The following SH3BP4 variants were observed in gnomAD, a reference collection of about 807,000 sequenced individuals.
SH3BP4 encodes the protein SH3 domain binding protein 4.
A neutral mutation model predicts 65.5 loss-of-function variants in SH3BP4; 33 were observed. The observed-to-expected ratio is 0.50, with a 90% CI of 0.38 to 0.67. The LOEUF (loss-of-function observed/expected upper bound fraction) is 0.67, where lower values mean the gene tolerates loss of function less well. Among genes scored for constraint, SH3BP4 ranks in the 30% least tolerant of loss-of-function variants. The pLI, the probability that SH3BP4 is intolerant of heterozygous loss-of-function variation, is 0.00. For synonymous variants in SH3BP4, 552 were observed against 545.5 expected (o/e 1.01, Z -0.17); for missense variants, 1,134 against 1,261.4 (o/e 0.90, Z 1.53).
intron 1 of SH3BP4, among the ~76,000 whole-genome samples, chr2:234,971,136 A>G (rs1321352317): frequency 2.0e-5 from 3 of 152,238 alleles, no homozygotes; most frequent in East Asian, 1.9e-4. Flanking sequence ...TTCATCTTGC[A>G]GAATGAAAAT....
intron 2 of SH3BP4, among the ~76,000 whole-genome samples, chr2:235,009,445 G>C (rs1694404540): frequency 6.6e-6 from 1 of 152,178 alleles, no homozygotes; most frequent in South Asian, 2.1e-4. Flanking sequence ...GGTGTGCCTG[G>C]GACCCTGGAG....
Position 235,043,192 on chromosome 2 carries a change from A to G in SH3BP4, c.2423A>G (p.Asp808Gly). ...VASVLEKLKE[D>G]CNNTENKERK... ...TCCGTCCTAGAAAAGCTGAAGGAGG[A>G]CTGTAACAACACTGAGAACAAAGAA... Residue 808 changes from aspartate (D) to glycine (G), a missense_variant, in exon 4 of 6, where the codon GAC becomes GGC. Asp to Gly is a moderately conservative substitution (Grantham distance 94). Transcript: ENST00000392011. 1 of 1,606,632 alleles carries G rather than the reference A, an allele frequency of 6.2e-7. No homozygotes were observed. Among genetic ancestry groups the G allele is most frequent in the South Asian group, 1.1e-5 (1 of 90,634 alleles).
Position 235,034,167 on chromosome 2 carries a change from A to C in SH3BP4, c.-132-704A>C, listed in dbSNP as rs1695293634. On this transcript the variant is annotated intron_variant, in intron 2 of 5. Transcript: ENST00000392011. This position sits in a 1 kb window ranked among gnomAD's most constrained non-coding sequence, Gnocchi z 6.2. ...GTCCTGTCTGTGCGCCCTTCCAGAA[A>C]AAAAAAGCAGAGGCCTTAGGGGTGA... Among the ~76,000 whole-genome samples the C allele has an allele frequency of 6.6e-6, 1 of 152,142 alleles. No individual in the cohort carries two copies. Among genetic ancestry groups the C allele is most frequent in the Non-Finnish European group, 1.5e-5 (1 of 68,018 alleles).
At chr2:235,021,761 A>G (rs1694853185) in intron 2 of SH3BP4, among the ~76,000 whole-genome samples, 1 of 152,212 alleles carries the variant, frequency 6.6e-6, no homozygotes, top group Admixed American at 6.5e-5. Context: ...ATCATGGTTA[A>G]ATAAAGGTTG....
Position 234,952,852 on chromosome 2 carries a change from T to A in SH3BP4, c.-207+682T>A, listed in dbSNP as rs1692505320. 3 of 151,988 alleles carry A rather than the reference T, an allele frequency of 2.0e-5. No homozygotes were observed. Among genetic ancestry groups the A allele is most frequent in the Admixed American group, 2.0e-4 (3 of 15,270 alleles). The allele number at this position is 151,988 out of a possible 1,614,324, so 9.4% of individuals were successfully genotyped here. On this transcript the variant is annotated intron_variant, in intron 1 of 5. Coordinates refer to ENST00000392011, the MANE Select transcript of SH3BP4 (RefSeq NM_014521.3). This position sits in a 1 kb window ranked among gnomAD's most constrained non-coding sequence, Gnocchi z 6.5. Reference sequence around the variant, plus strand: ...TAGAGGCGCGTTGTTCTCTGAGCGATGTTTACCGAGAAGCCCGCTCCGCGG... The same window carrying A: ...TAGAGGCGCGTTGTTCTCTGAGCGAAGTTTACCGAGAAGCCCGCTCCGCGG...
chr2:234,970,902 G>GAA (rs1206442126), intron 1 of SH3BP4, among the ~76,000 whole-genome samples: 4 of 152,052 alleles, frequency 2.6e-5, no homozygotes, highest in Non-Finnish European at 5.9e-5. Flanking sequence ...CAGATTGAAA[G>GAA]AAGGTAGATG....
chr2:235,048,230 C>CTTT (rs767551465), intron 4 of SH3BP4, among the ~76,000 whole-genome samples: 1 of 152,208 alleles, frequency 6.6e-6, no homozygotes, highest in Non-Finnish European at 1.5e-5. Context: ...GTGCAGAAGG[C>CTTT]TTCCCCTCGA....
intron 2 of SH3BP4, among the ~76,000 whole-genome samples, chr2:235,016,908 A>G (rs989061704): frequency 1.3e-5 from 2 of 152,068 alleles, no homozygotes; most frequent in African/African-American, 4.8e-5. Context: ...TCTATGGGGG[A>G]TGGGGATGCC....
chr2:234,980,959 T>C (rs1366778258), intron 1 of SH3BP4, among the ~76,000 whole-genome samples: 1 of 152,160 alleles, frequency 6.6e-6, no homozygotes, highest in Non-Finnish European at 1.5e-5. Flanking sequence ...GCGCACAAGC[T>C]CTGCCCACTG....
chr2:234,999,895 C>A (rs1344655610), intron 2 of SH3BP4, among the ~76,000 whole-genome samples: 1 of 152,254 alleles, frequency 6.6e-6, no homozygotes, highest in Non-Finnish European at 1.5e-5. Context: ...ATACCTGGCC[C>A]AGGAGTGGCT....
intron 1 of SH3BP4, among the ~76,000 whole-genome samples, chr2:234,983,503 G>A (rs1410751622): frequency 6.6e-6 from 1 of 152,182 alleles, no homozygotes; most frequent in South Asian, 2.1e-4. Flanking sequence ...GTGTGCTTGT[G>A]TTTTTGATAC....
At chr2:235,043,964 G>T (rs555975251) in intron 4 of SH3BP4, among the ~76,000 whole-genome samples, 1 of 152,368 alleles carries the variant, frequency 6.6e-6, no homozygotes, top group Non-Finnish European at 1.5e-5. Flanking sequence ...GAGGGTCCCA[G>T]AATGGACCAG....
chr2:235,029,178 G>A (rs575893332), intron 2 of SH3BP4, among the ~76,000 whole-genome samples: 1 of 152,228 alleles, frequency 6.6e-6, no homozygotes, highest in African/African-American at 2.4e-5. Flanking sequence ...CAGAGGTTGT[G>A]TTCTGCAGGT....
intron 1 of SH3BP4, among the ~76,000 whole-genome samples, chr2:234,992,128 C>T (rs945675614): frequency 3.9e-5 from 6 of 152,198 alleles, no homozygotes; most frequent in East Asian, 3.9e-4. Flanking sequence ...GCCACAGTGA[C>T]GGAGGGTGTT....
chr2:235,033,782 G>A lies in SH3BP4; in HGVS notation c.-132-1089G>A, dbSNP rs961705120. On this transcript the variant is annotated intron_variant, in intron 2 of 5. Coordinates refer to ENST00000392011, the MANE Select transcript of SH3BP4 (RefSeq NM_014521.3). This position sits in a 1 kb window ranked among gnomAD's most constrained non-coding sequence, Gnocchi z 5.7. ...GTGGGGATGGTCAGGGCTCCCACCCGGCTGCTGCAGAAACGTTGCAAAGGG... is the reference window on the plus strand; with the variant it reads ...GTGGGGATGGTCAGGGCTCCCACCCAGCTGCTGCAGAAACGTTGCAAAGGG... 7.9e-5 allele frequency among the ~76,000 whole-genome samples: 12 copies of A among 152,284 alleles called. No individual in the cohort carries two copies. The highest frequency in any genetic ancestry group is 4.6e-4 in the Admixed American group (7 of 15,292).
rs1178642734 is a variant in SH3BP4 at position 234,976,459 on chromosome 2, C to T, written c.-206-18844C>T. On this transcript the variant is annotated intron_variant, in intron 1 of 5. Transcript: ENST00000392011. This position sits in a 1 kb window ranked among gnomAD's most constrained non-coding sequence, Gnocchi z 4.7. ...CGGTGTGTACCAGGTTAAGGTCTCT[C>T]TTGCATTTTGTGGGTGGCTGCCTGC... Among the ~76,000 whole-genome samples, 1 of 152,140 alleles carries T rather than the reference C, an allele frequency of 6.6e-6. No individual in the cohort carries two copies. Among genetic ancestry groups the T allele is most frequent in the Admixed American group, 6.5e-5 (1 of 15,276 alleles).
In SH3BP4 at chr2:235,041,200, G is replaced by C. The variant is rs766349098; in HGVS notation, c.431G>C (p.Gly144Ala). Residue 144 changes from glycine (G) to alanine (A), a missense_variant, in exon 4 of 6, where the codon GGA (glycine) becomes GCA (alanine). Coordinates refer to ENST00000392011, the MANE Select transcript of SH3BP4 (RefSeq NM_014521.3). The surrounding 1 kb of genome is among the most constrained non-coding windows in gnomAD (Gnocchi z 6.0). ...EVAKELELLG[G>A]WTDDKKVPGR... The stretch of plus-strand genomic sequence containing the variant: ...GCCAAGGAGCTGGAGCTGCTCGGGG[G>C]ATGGACAGATGACAAAAAAGTACCA... 1.9e-6 allele frequency: 3 copies of C among 1,614,114 alleles called. No homozygotes were observed. Among genetic ancestry groups the C allele is most frequent in the Non-Finnish European group, 1.7e-6 (2 of 1,180,018 alleles).
In SH3BP4 at chr2:234,955,095, C is replaced by T. The variant is rs78466364; in HGVS notation, c.-207+2925C>T. Among the ~76,000 whole-genome samples, 1,234 of 152,292 alleles carry T rather than the reference C, an allele frequency of 8.1e-3. 8 individuals are homozygous for T. The highest frequency in any genetic ancestry group is 0.017 in the Middle Eastern group (5 of 294). On this transcript the variant is annotated intron_variant, in intron 1 of 5. Coordinates refer to ENST00000392011, the MANE Select transcript of SH3BP4 (RefSeq NM_014521.3). ...TTCTTCTGCAAATTGGACTCAGGCCCCTGGGACATTTCCCAAGGCCCTGGA... is the reference window on the plus strand; with the variant it reads ...TTCTTCTGCAAATTGGACTCAGGCCTCTGGGACATTTCCCAAGGCCCTGGA...
At chr2:234,969,101 G>T (rs991684909) in intron 1 of SH3BP4, among the ~76,000 whole-genome samples, 1 of 152,210 alleles carries the variant, frequency 6.6e-6, no homozygotes, top group African/African-American at 2.4e-5. Context: ...TCAGCCCAGG[G>T]CTACTTCCCC....
Sources: allele counts gnomAD v4.1 joint callset (sites outside exome capture counted in the v4.1 genomes callset), GRCh38; gene constraint gnomAD v4.1.1; non-coding constraint Gnocchi (gnomAD v3.1); transcripts MANE v1.5; gene names NCBI Gene and HGNC (gene_info 2026-07-23, HGNC 2026-07-21).